GRM7: variants seen among roughly 807,000 people sequenced by gnomAD.
GRM7 encodes glutamate metabotropic receptor 7.
A neutral mutation model predicts 84.5 loss-of-function variants in GRM7; 35 were observed. That is an observed-to-expected ratio of 0.41 (90% CI 0.32 to 0.55). The LOEUF (loss-of-function observed/expected upper bound fraction) is 0.55, where lower values mean the gene tolerates loss of function less well. GRM7 is among the 20% of genes least tolerant of loss of function. The pLI, the probability that GRM7 is intolerant of heterozygous loss-of-function variation, is 0.19. For missense variants in GRM7, 1,003 were observed against 1,194.6 expected (o/e 0.84, Z 2.36); for synonymous variants, 487 against 455.1 (o/e 1.07, Z -0.89).
chr3:7,734,328 T>C (rs371510967), intron 9 of GRM7, among the ~76,000 whole-genome samples: 40 of 152,112 alleles, frequency 2.6e-4, no homozygotes, highest in African/African-American at 8.0e-4. Flanking sequence ...AAAAAAAGGA[T>C]ATGCCAATCC....
intron 2 of GRM7, among the ~76,000 whole-genome samples, chr3:7,164,178 G>A (rs1372339085): frequency 6.6e-6 from 1 of 152,122 alleles, no homozygotes; most frequent in African/African-American, 2.4e-5. Context: ...GGCCAACATG[G>A]TGAAACCCCA....
intron 8 of GRM7, among the ~76,000 whole-genome samples, chr3:7,591,700 C>A (rs939567988): frequency 1.3e-5 from 2 of 152,012 alleles, no homozygotes; most frequent in East Asian, 1.9e-4. Context: ...TCCAGAACAC[C>A]AATTGTTGAA....
intron 5 of GRM7, among the ~76,000 whole-genome samples, chr3:7,436,115 G>A (rs574903280): frequency 2.6e-4 from 40 of 152,132 alleles, no homozygotes; most frequent in Non-Finnish European, 4.1e-4. Flanking sequence ...CCAAAGTGCC[G>A]GGATTACAGG....
chr3:6,990,651 T>C (rs61466490), intron 1 of GRM7, among the ~76,000 whole-genome samples: 22,040 of 152,040 alleles, frequency 0.14, 2,909 homozygotes, highest in African/African-American at 0.34. Context: ...CATTTTTCTT[T>C]ACATAGATCT....
intron 2 of GRM7, among the ~76,000 whole-genome samples, chr3:7,160,796 A>G (rs1039783216): frequency 3.3e-5 from 5 of 152,096 alleles, no homozygotes; most frequent in African/African-American, 1.2e-4. Flanking sequence ...ATATGTTCCC[A>G]TAGCACCCCA....
chr3:7,701,503 C>A (rs1254835367), intron 9 of GRM7, among the ~76,000 whole-genome samples: 1 of 152,036 alleles, frequency 6.6e-6, no homozygotes, highest in Non-Finnish European at 1.5e-5. Flanking sequence ...CAGGGTTTCA[C>A]CATGTTAGCC....
intron 4 of GRM7, among the ~76,000 whole-genome samples, chr3:7,375,296 G>A (rs898205680): frequency 7.2e-6 from 1 of 138,730 alleles, no homozygotes; most frequent in African/African-American, 2.7e-5. Context: ...TCGGCTCACC[G>A]CAACCTCTGC....
intron 8 of GRM7, among the ~76,000 whole-genome samples, chr3:7,627,581 G>C (rs186568542): frequency 1.3e-5 from 2 of 152,244 alleles, no homozygotes; most frequent in Non-Finnish European, 2.9e-5. Flanking sequence ...GTAGTTCACT[G>C]GAAAACACTT....
intron 1 of GRM7, among the ~76,000 whole-genome samples, chr3:6,920,345 A>G (rs1200780768): frequency 1.3e-5 from 2 of 152,218 alleles, no homozygotes; most frequent in East Asian, 3.9e-4. Context: ...ACTTGAGGTC[A>G]TGAGTTCAAG....
At chr3:7,139,528 T>C (rs915276449) in intron 1 of GRM7, among the ~76,000 whole-genome samples, 1 of 151,986 alleles carries the variant, frequency 6.6e-6, no homozygotes, top group Middle Eastern at 3.2e-3. Context: ...TTTGGAAATG[T>C]ATTGCACATA....
chr3:7,566,103 G>GTT lies in GRM7; in HGVS notation c.1516-12291_1516-12290dup, dbSNP rs58178956. On this transcript the variant is annotated intron_variant, in intron 7 of 9. Transcript: ENST00000357716. ...TGTTTTCTTTGGCTCTGAATCAGCT[G>GTT]TTTTTTTTTTTTTTTTTTTTTTTTT... Among the ~76,000 whole-genome samples, 80 of 130,000 alleles carry GTT rather than the reference G, an allele frequency of 6.2e-4. 2 individuals are homozygous for GTT. The highest frequency in any genetic ancestry group is 8.9e-4 in the Non-Finnish European group (55 of 62,024). 85.3% of individuals were successfully genotyped at this position (130,000 alleles called of 152,430 possible).
intron 1 of GRM7, among the ~76,000 whole-genome samples, chr3:7,017,343 G>A (rs755657434): frequency 2.6e-5 from 4 of 152,140 alleles, no homozygotes; most frequent in Non-Finnish European, 5.9e-5. Flanking sequence ...CAACTAAGCT[G>A]GGCCACAAAG....
intron 7 of GRM7, among the ~76,000 whole-genome samples, chr3:7,548,014 C>T (rs138674798): frequency 6.6e-6 from 1 of 152,302 alleles, no homozygotes; most frequent in Non-Finnish European, 1.5e-5. Flanking sequence ...GAAGACAAGG[C>T]AGGCAAGGAC....
At chr3:7,132,599 A>C (rs1009725302) in intron 1 of GRM7, among the ~76,000 whole-genome samples, 3 of 152,226 alleles carry the variant, frequency 2.0e-5, no homozygotes, top group Non-Finnish European at 4.4e-5. Context: ...TTGAAAAAAG[A>C]AAGAAAGCAT....
chr3:6,904,993 A>G (rs75796636), intron 1 of GRM7, among the ~76,000 whole-genome samples: 2 of 152,108 alleles, frequency 1.3e-5, no homozygotes, highest in Non-Finnish European at 2.9e-5. Flanking sequence ...CGCTGGGATT[A>G]GAGGCACAAG....
chr3:7,405,208 T>C (rs565160740), intron 4 of GRM7, among the ~76,000 whole-genome samples: 40 of 152,304 alleles, frequency 2.6e-4, no homozygotes, highest in African/African-American at 8.4e-4. Context: ...TTCTTGAAAA[T>C]ATGTCATATC....
intron 2 of GRM7, among the ~76,000 whole-genome samples, chr3:7,293,075 C>A (rs567042611): frequency 1.3e-5 from 2 of 150,694 alleles, no homozygotes; most frequent in South Asian, 4.2e-4. Flanking sequence ...ATAATAGTCT[C>A]AATAAATATT....
chr3:6,962,996 A>G (rs1334752521), intron 1 of GRM7, among the ~76,000 whole-genome samples: 1 of 152,220 alleles, frequency 6.6e-6, no homozygotes, highest in Non-Finnish European at 1.5e-5. Flanking sequence ...AACTGCCTTC[A>G]TTTCTGGAAA....
chr3:7,213,492 G>A (rs904382889), intron 2 of GRM7, among the ~76,000 whole-genome samples: 1 of 152,150 alleles, frequency 6.6e-6, no homozygotes, highest in African/African-American at 2.4e-5. Flanking sequence ...TCATAGTTAC[G>A]CAAATACATC....
Sources: allele counts gnomAD v4.1 joint callset (sites outside exome capture counted in the v4.1 genomes callset), GRCh38; gene constraint gnomAD v4.1.1; transcripts MANE v1.5; gene names NCBI Gene and HGNC (gene_info 2026-07-23, HGNC 2026-07-21).